LVRN: variants seen among roughly 807,000 people sequenced by gnomAD.
LVRN encodes the protein aminopeptidase Q.
LVRN carries 99 observed loss-of-function variants against 111.4 expected under a neutral mutation model. The ratio of observed to expected loss-of-function variants is 0.89; its 90% CI spans 0.76 to 1.05. The LOEUF is 1.05. LVRN is among the 50% of genes least tolerant of loss of function. The pLI, the probability that LVRN is intolerant of heterozygous loss-of-function variation, is 0.00. For missense variants in LVRN, 1,414 were observed against 1,206.8 expected, an observed-to-expected ratio of 1.17 and a Z score of -2.54; for synonymous variants, 488 against 449.5, an observed-to-expected ratio of 1.09 and a Z score of -1.08.
chr5:116,014,384 C>T, intron 15 of LVRN, 36 bp from the exon 16 acceptor site: 1 of 1,490,750 alleles, frequency 6.7e-7, no homozygotes, highest in East Asian at 2.3e-5. Context: ...GGTGGTAATG[C>T]AAAATAAACT....
At chr5:116,002,069 A>G (rs942540916) in intron 10 of LVRN, among the ~76,000 whole-genome samples, 3 of 152,120 alleles carry the variant, frequency 2.0e-5, no homozygotes, top group African/African-American at 7.2e-5. Context: ...AGATAGTTCT[A>G]CTCTTTCTTT....
chr5:116,000,215 C>T (rs559409478), intron 7 of LVRN, among the ~76,000 whole-genome samples: 3 of 152,246 alleles, frequency 2.0e-5, no homozygotes, highest in African/African-American at 7.2e-5. Context: ...ATTTTATGTA[C>T]TCTGTACTCT....
intron 12 of LVRN, among the ~76,000 whole-genome samples, chr5:116,005,070 G>A (rs1256136439): frequency 6.6e-6 from 1 of 152,162 alleles, no homozygotes; most frequent in Non-Finnish European, 1.5e-5. Flanking sequence ...TTGAAAAACA[G>A]AGGCAAATTA....
At position 116,026,445 on chromosome 5, in the gene LVRN, A is replaced by C; in HGVS notation, c.*327A>C. 1 of 344,316 alleles carries C rather than the reference A, an allele frequency of 2.9e-6. No homozygotes were observed. Among genetic ancestry groups the C allele is most frequent in the Non-Finnish European group, 5.5e-6 (1 of 182,980 alleles). The allele number at this position is 344,316 out of a possible 1,614,324, so 21.3% of individuals were successfully genotyped here. On this transcript the variant is annotated 3_prime_UTR_variant, in exon 20 of 20. Transcript: ENST00000357872. The stretch of plus-strand genomic sequence containing the variant: ...ATTTTGTTGCGAAGGCCAGTGGAAT[A>C]TAAAAATCAATGGCATTAATGAGGA...
rs1748003271 is a variant in LVRN, at chr5:115,992,039, T to TCATTTTGAGA, written c.1106-84_1106-83insCATTTTGAGA. The TCATTTTGAGA allele has an allele frequency of 5.1e-6, 7 of 1,364,118 alleles. No individual in the cohort carries two copies. The African/African-American group carries it at 1.0e-4, about 20-fold the overall frequency. The allele number at this position is 1,364,118 out of a possible 1,614,324, so 84.5% of individuals were successfully genotyped here. A position where few individuals can be genotyped will look rare whatever the true frequency, so the allele number is the denominator to read the frequency against. On this transcript the variant is annotated intron_variant, in intron 4 of 19. Transcript: ENST00000357872. ...TATTCCCTTGAATTTTTTGGTAATT[T>TCATTTTGAGA]TATGATTTCATTTTGAGATATTTAA... is the stretch of plus-strand genomic sequence containing the variant.
intron 12 of LVRN, among the ~76,000 whole-genome samples, chr5:116,004,310 A>G (rs575949804): frequency 6.6e-6 from 1 of 152,234 alleles, no homozygotes; most frequent in Non-Finnish European, 1.5e-5. Flanking sequence ...ACTGGATTAA[A>G]CTAAATTTCC....
chr5:115,993,232 A>C (rs1298476875), intron 5 of LVRN, among the ~76,000 whole-genome samples: 1 of 144,060 alleles, frequency 6.9e-6, no homozygotes, highest in African/African-American at 2.6e-5. Flanking sequence ...CAAACAGAAA[A>C]TAATTAACAG....
chr5:116,011,199 T>TC (rs1039358292), intron 14 of LVRN, among the ~76,000 whole-genome samples: 1 of 151,408 alleles, frequency 6.6e-6, no homozygotes, highest in African/African-American at 2.4e-5. Context: ...TGTTTTTTTT[T>TC]TTTTAGGGAA....
intron 18 of LVRN, among the ~76,000 whole-genome samples, chr5:116,016,808 A>G (rs1238269535): frequency 1.3e-5 from 2 of 152,200 alleles, no homozygotes; most frequent in Non-Finnish European, 2.9e-5. Flanking sequence ...GTTCCAGAAG[A>G]AAGACTGATG....
At chr5:115,963,335 C>G in intron 1 of LVRN, 23 bp downstream of exon 1, 1 of 1,533,690 alleles carries the variant, frequency 6.5e-7, no homozygotes, top group African/African-American at 1.4e-5. Flanking sequence ...CAGCCCGGGG[C>G]CCCTCTCGGC....
At chr5:116,020,801 G>A (rs935200018) in intron 18 of LVRN, among the ~76,000 whole-genome samples, 18 of 152,220 alleles carry the variant, frequency 1.2e-4, no homozygotes, top group African/African-American at 3.9e-4. Context: ...GGGGTAATGT[G>A]AGAAGAAGGA....
chr5:115,963,308 C>G lies in LVRN; in HGVS notation c.691C>G (p.Arg231Gly), dbSNP rs781588384. The change falls in exon 1 of 20, where the codon CGC (arginine) becomes GGC (glycine). Residue 231 changes from arginine to glycine, a missense_variant. Arg to Gly is a moderately radical substitution (Grantham distance 125). Transcript: ENST00000357872. ...FLNVYTDQGE[R>G]RALLASQLEP... Reference sequence around the variant, plus strand: ...CAACGTCTACACCGACCAGGGCGAGCGCAGGTAAGGGCTGTACAGCCCGGG... The same window carrying G: ...CAACGTCTACACCGACCAGGGCGAGGGCAGGTAAGGGCTGTACAGCCCGGG... 12 of 1,606,180 alleles carry G rather than the reference C, an allele frequency of 7.5e-6. No individual in the cohort carries two copies. The East Asian group carries it at 2.2e-4, about 30-fold the overall frequency.
At chr5:115,996,650 G>A (rs770671867) in intron 6 of LVRN, among the ~76,000 whole-genome samples, 9 of 152,114 alleles carry the variant, frequency 5.9e-5, no homozygotes, top group Admixed American at 1.3e-4. Flanking sequence ...GATATGAATG[G>A]ATTATGCTCA....
chr5:115,989,559 G>A (rs1321582003), intron 4 of LVRN, among the ~76,000 whole-genome samples: 1 of 152,108 alleles, frequency 6.6e-6, no homozygotes, highest in Non-Finnish European at 1.5e-5. Flanking sequence ...TCGGAGTTAG[G>A]ATCTGAAGGG....
At chr5:115,980,318 T>A (rs549848030) in intron 1 of LVRN, among the ~76,000 whole-genome samples, 1 of 152,128 alleles carries the variant, frequency 6.6e-6, no homozygotes, top group South Asian at 2.1e-4. Flanking sequence ...CTAGATCATA[T>A]GTGCTGCTGG....
intron 1 of LVRN, among the ~76,000 whole-genome samples, chr5:115,968,372 C>A (rs1753247057): frequency 6.6e-6 from 1 of 151,050 alleles, no homozygotes; most frequent in African/African-American, 2.4e-5. Flanking sequence ...TCTTCTTGAG[C>A]CTGTTAATAT....
chr5:116,026,069 A>T lies in LVRN; in HGVS notation c.2924A>T (p.Asn975Ile), dbSNP rs1748856721. ...LQTIKNENLK[N>I]KKLSARIAAW... ...ACAATAAAGAATGAAAATCTGAAAAACAAGAAGCTAAGTGCCAGGATAGCT... is the reference window on the plus strand; with the variant it reads ...ACAATAAAGAATGAAAATCTGAAAATCAAGAAGCTAAGTGCCAGGATAGCT... The change falls in exon 20 of 20, where the codon AAC becomes ATC. Residue 975 changes from asparagine to isoleucine, a missense_variant. Physicochemically the swap from Asn to Ile is moderately radical, Grantham distance 149. Transcript: ENST00000357872. The T allele has an allele frequency of 6.2e-7, 1 of 1,613,836 alleles. No homozygotes were observed. Among genetic ancestry groups the T allele is most frequent in the Non-Finnish European group, 8.5e-7 (1 of 1,179,888 alleles).
chr5:116,001,101 C>G lies in LVRN; in HGVS notation c.1682C>G (p.Ala561Gly), dbSNP rs1748227918. ...IDDQSTVILP[A>G]TIKNIMDSWT... ...GACCAGAGTACAGTTATTTTGCCAG[C>G]AACAATAAAAAACATAATGGACAGT... Residue 561 changes from alanine to glycine, a missense_variant, in exon 10 of 20, where the codon GCA (alanine) becomes GGA (glycine). By Grantham distance (60) the Ala-to-Gly change is moderately conservative (BLOSUM62 0). Transcript: ENST00000357872. 1 of 1,610,724 alleles carries G rather than the reference C, an allele frequency of 6.2e-7. No individual in the cohort carries two copies.
At chr5:115,974,432 T>G (rs1245583470) in intron 1 of LVRN, 1 of 152,284 alleles carries the variant, frequency 6.6e-6, no homozygotes, top group Non-Finnish European at 1.5e-5. Context: ...ACCTAGTTTA[T>G]GAAAGCAGGC....
Sources: allele counts gnomAD v4.1 joint callset (sites outside exome capture counted in the v4.1 genomes callset), GRCh38; gene constraint gnomAD v4.1.1; transcripts MANE v1.5; gene names NCBI Gene and HGNC (gene_info 2026-07-23, HGNC 2026-07-21).